DPF3: variants seen among roughly 807,000 people sequenced by gnomAD.
DPF3 encodes the protein double PHD fingers 3.
In DPF3, 18 loss-of-function variants were observed where a neutral mutation model predicts 56.8. That is an observed-to-expected ratio of 0.32 (90% CI 0.22 to 0.47). The LOEUF is 0.47. DPF3 is among the 20% of genes least tolerant of loss of function. DPF3 has a pLI of 1.00. For synonymous variants in DPF3, 188 were observed against 180.2 expected, an observed-to-expected ratio of 1.04 and a Z score of -0.35; for missense variants, 403 against 488.8, an observed-to-expected ratio of 0.82 and a Z score of 1.65.
chr14:72,893,940 C>A, intron 1 of DPF3, 117 bp downstream of exon 1: 1 of 1,198,834 alleles, frequency 8.3e-7, no homozygotes, highest in Non-Finnish European at 1.2e-6. Flanking sequence ...AGAGAAGCCC[C>A]GCCGCGGCTG....
chr14:72,893,907 G>A, intron 1 of DPF3, 150 bp downstream of exon 1: 1 of 830,214 alleles, frequency 1.2e-6, no homozygotes, highest in South Asian at 1.5e-5. Context: ...AAAAGAAGAT[G>A]AAGAAGTAAG....
chr14:72,644,818 G>A (rs1056047464), intron 8 of DPF3, among the ~76,000 whole-genome samples: 3 of 152,198 alleles, frequency 2.0e-5, no homozygotes, highest in African/African-American at 7.2e-5. Flanking sequence ...GTTCACCTGA[G>A]CATTAGGTGT....
intron 1 of DPF3, among the ~76,000 whole-genome samples, chr14:72,777,874 C>T (rs1039212195): frequency 2.0e-5 from 3 of 152,124 alleles, no homozygotes; most frequent in South Asian, 2.1e-4. Flanking sequence ...GCCTGCAGAA[C>T]GATGAGCCAA....
At chr14:72,738,427 A>T (rs1382012903) in intron 3 of DPF3, among the ~76,000 whole-genome samples, 1 of 152,084 alleles carries the variant, frequency 6.6e-6, no homozygotes, top group Admixed American at 6.5e-5. Context: ...CCCTAAGTAG[A>T]CACGCCAGGA....
intron 6 of DPF3, among the ~76,000 whole-genome samples, chr14:72,707,170 G>A (rs1373476660): frequency 5.9e-5 from 9 of 152,068 alleles, no homozygotes; most frequent in Non-Finnish European, 1.5e-5. Context: ...CATTTTTTAT[G>A]GCTGCATAGT....
In DPF3 at chr14:72,670,683, AC is replaced by A. The variant is rs933632776; in HGVS notation, c.871+3556del. On this transcript the variant is annotated intron_variant, in intron 8 of 10. Transcript: ENST00000556509. ...TCGCAAAAAAAGTCTGATTCTAATA[AC>A]AGCTAGAATATATAAATAATAATGT... The A allele has an allele frequency of 6.3e-5, 62 of 988,210 alleles. No homozygotes were observed. In the African/African-American group the frequency reaches 1.0e-3, roughly 17 times the overall value. 61.2% of individuals were successfully genotyped at this position (988,210 alleles called of 1,614,324 possible). A position where few individuals can be genotyped will look rare whatever the true frequency, so the allele number is the denominator to read the frequency against.
At chr14:72,651,444 G>T (rs1374096488) in intron 8 of DPF3, among the ~76,000 whole-genome samples, 1 of 152,198 alleles carries the variant, frequency 6.6e-6, no homozygotes, top group Non-Finnish European at 1.5e-5. Flanking sequence ...TTCCAAAAGG[G>T]ACAGCTCCAA....
intron 1 of DPF3, among the ~76,000 whole-genome samples, chr14:72,791,335 G>C (rs1050984335): frequency 1.3e-5 from 2 of 152,160 alleles, no homozygotes; most frequent in Non-Finnish European, 2.9e-5. Flanking sequence ...GCTGCCCCCT[G>C]GTCACTGCAG....
chr14:72,700,484 G>A (rs1427122211), intron 6 of DPF3, among the ~76,000 whole-genome samples: 2 of 152,224 alleles, frequency 1.3e-5, no homozygotes, highest in Non-Finnish European at 1.5e-5. Flanking sequence ...CTGATAGTCT[G>A]AGAGCTGCCA....
chr14:72,880,035 C>T (rs1286803517), intron 1 of DPF3: 1 of 1,351,812 alleles, frequency 7.4e-7, no homozygotes, highest in Non-Finnish European at 9.6e-7. Context: ...TCCAGTTTCT[C>T]CCTGTCTGTC....
chr14:72,628,656 G>A (rs1183892342), intron 9 of DPF3, among the ~76,000 whole-genome samples: 2 of 151,506 alleles, frequency 1.3e-5, no homozygotes, highest in African/African-American at 4.9e-5. Flanking sequence ...GAGAGAGAGA[G>A]ATGGAGACAG....
At chr14:72,660,947 G>T in intron 8 of DPF3, 1 of 550,814 alleles carries the variant, frequency 1.8e-6, no homozygotes, top group Non-Finnish European at 2.3e-6. Context: ...CATGGAAGTG[G>T]GAAGAATCAT....
intron 8 of DPF3, chr14:72,671,135 T>C (rs2153570358): frequency 6.2e-7 from 1 of 1,613,570 alleles, no homozygotes; most frequent in East Asian, 2.2e-5. Flanking sequence ...GTTCCGTGGG[T>C]TTAGCAACTG....
At chr14:72,863,086 ATATATATATATATATG>A (rs1222773340) in intron 1 of DPF3, among the ~76,000 whole-genome samples, 12 of 102,054 alleles carry the variant, frequency 1.2e-4, no homozygotes, top group African/African-American at 1.8e-4. Flanking sequence ...ATATATATAT[ATATATATATATATATG>A]TGTGTGTATA....
rs376458640 is a variant in DPF3, at chr14:72,838,908, CTTTTTTTTTTTTTT to C, written c.32+55135_32+55148del. ...TATCATATATATTATCATATATATT[CTTTTTTTTTTTTTT>C]TTTTTTTTTTTTTTTTTGGAGACAG... On this transcript the variant is annotated intron_variant, in intron 1 of 10. Coordinates refer to ENST00000556509, the MANE Select transcript of DPF3 (RefSeq NM_001280542.3). 1.8e-3 allele frequency among the ~76,000 whole-genome samples: 144 copies of C among 78,590 alleles called. 1 individual carries two copies. The highest frequency in any genetic ancestry group is 7.1e-3 in the African/African-American group (102 of 14,414). The allele number at this position is 78,590 out of a possible 152,430, so 51.6% of individuals were successfully genotyped here. A position where few individuals can be genotyped will look rare whatever the true frequency, so the allele number is the denominator to read the frequency against.
In DPF3 at chr14:72,880,014, G is replaced by A. The variant is rs950337033; in HGVS notation, c.32+14043C>T. 4.3e-6 allele frequency: 6 copies of A among 1,396,014 alleles called. No homozygotes were observed. In the African/African-American group the frequency reaches 5.8e-5, roughly 13 times the overall value. The allele number at this position is 1,396,014 out of a possible 1,614,324, so 86.5% of individuals were successfully genotyped here. On this transcript the variant is annotated intron_variant, in intron 1 of 10. Transcript: ENST00000556509. ...GACTGAGTAGCCTGCACACTAGACT[G>A]TGGTATAGAATCCAGTTTCTCCCTG... is the stretch of plus-strand genomic sequence containing the variant.
intron 1 of DPF3, chr14:72,892,095 G>C (rs2140138409): frequency 1.3e-6 from 2 of 1,495,724 alleles, no homozygotes; most frequent in East Asian, 2.5e-5. Flanking sequence ...CCGCCCGCGC[G>C]AAAGCGGGCT....
chr14:72,847,997 C>G (rs1884827821), intron 1 of DPF3, among the ~76,000 whole-genome samples: 1 of 152,206 alleles, frequency 6.6e-6, no homozygotes, highest in Non-Finnish European at 1.5e-5. Context: ...ATTTCACCTC[C>G]TGCTTCTCAC....
intron 9 of DPF3, among the ~76,000 whole-genome samples, chr14:72,625,611 A>G (rs1346228660): frequency 6.6e-6 from 1 of 152,178 alleles, no homozygotes; most frequent in African/African-American, 2.4e-5. Context: ...CTGTGTTGTC[A>G]TTGCTTCTAG....
Sources: allele counts gnomAD v4.1 joint callset (sites outside exome capture counted in the v4.1 genomes callset), GRCh38; gene constraint gnomAD v4.1.1; transcripts MANE v1.5; gene names NCBI Gene and HGNC (gene_info 2026-07-23, HGNC 2026-07-21).